The following VWF variants were observed in gnomAD, a reference collection of about 807,000 sequenced individuals.
The protein encoded by VWF is von Willebrand factor, also known as Factor VIII related antigen.
Under a neutral mutation model 308.6 loss-of-function variants are expected in VWF, and 176 were observed. The observed-to-expected ratio is 0.57, with a 90% CI of 0.50 to 0.65. The LOEUF (loss-of-function observed/expected upper bound fraction) is 0.65. Ranked by LOEUF, VWF falls within the 30% of genes least tolerant of loss-of-function variation. The pLI, the probability that VWF is intolerant of heterozygous loss-of-function variation, is 0.00. For synonymous variants in VWF, 1,385 were observed against 1,443.4 expected (o/e 0.96, Z 0.92); for missense variants, 3,146 against 3,648.2 (o/e 0.86, Z 3.55).
chr12:6,019,160 C>T lies in VWF; in HGVS notation c.4258G>A (p.Ala1420Thr), dbSNP rs765274536. 3.7e-6 allele frequency: 6 copies of T among 1,613,838 alleles called. No homozygotes were observed. The East Asian group carries it at 6.7e-5, about 18-fold the overall frequency. The change falls in exon 28 of 52, where the codon GCC (alanine) becomes ACC (threonine). Residue 1420 changes from alanine (A) to threonine (T), a missense_variant. Ala to Thr is a moderately conservative substitution (Grantham distance 58). Transcript: ENST00000261405. This position sits in a 1 kb window ranked among gnomAD's most constrained non-coding sequence, Gnocchi z 5.8. ...ATGAGGCGGATCTGCTTGAGGTTGG[C>T]ATGGGGCCCAATGCCCACCGGGATC... ...IVIPVGIGPHANLKQIRLIEK... is the reference protein window; with the variant it reads ...IVIPVGIGPHTNLKQIRLIEK...
intron 39 of VWF, 97 bp from the exon 40 acceptor site, chr12:5,985,216 G>A (rs938930203): frequency 8.0e-7 from 1 of 1,249,772 alleles, no homozygotes; most frequent in Admixed American, 1.8e-5. Flanking sequence ...ACTAGTAGGA[G>A]TTCTGTACGG....
intron 35 of VWF, 21 bp from the exon 36 acceptor site, chr12:5,994,628 T>A (rs1943788446): frequency 6.2e-7 from 1 of 1,611,984 alleles, no homozygotes; most frequent in Non-Finnish European, 8.5e-7. Flanking sequence ...AAGAAAGAGC[T>A]CATCCGTAGT....
chr12:5,991,705 G>GTC (rs1373333668), intron 38 of VWF, 114 bp downstream of exon 38: 1 of 1,149,682 alleles, frequency 8.7e-7, no homozygotes, highest in Non-Finnish European at 1.3e-6. Flanking sequence ...AATGATCCCC[G>GTC]TAAGAGTCAA....
intron 21 of VWF, among the ~76,000 whole-genome samples, chr12:6,029,804 T>C (rs760249452): frequency 1.2e-4 from 19 of 152,334 alleles, no homozygotes; most frequent in Non-Finnish European, 2.2e-4. Context: ...AATTAGTCAT[T>C]AAATATAGTG....
At chr12:6,089,429 G>C (rs559908532) in intron 6 of VWF, among the ~76,000 whole-genome samples, 13 of 152,160 alleles carry the variant, frequency 8.5e-5, no homozygotes, top group Non-Finnish European at 1.2e-4. Context: ...TTTTTCAGCT[G>C]TTCCCAGGAC....
chr12:6,100,589 G>T (rs1274824548), intron 5 of VWF, among the ~76,000 whole-genome samples: 4 of 152,034 alleles, frequency 2.6e-5, no homozygotes, highest in Non-Finnish European at 4.4e-5. Context: ...CATGTCCTTT[G>T]TAGGGACATG....
In VWF at chr12:6,057,984, C is replaced by T. The variant is rs200291678; in HGVS notation, c.1594G>A (p.Gly532Ser). The change falls in exon 14 of 52, where the codon GGC (glycine) becomes AGC (serine). Residue 532 changes from glycine (G) to serine (S), a missense_variant. Gly to Ser is a moderately conservative substitution (Grantham distance 56). This residue lies in a region of VWF where 1,304 missense variants were observed against 1,353.0 expected (regional missense o/e 0.96). Transcript: ENST00000261405. ...GLCGNYNGNQ[G>S]DDFLTPSGLA... ...CCAGAGGGGGTAAGGAAGTCGTCGC[C>T]CTGGTTGCCATTGTAATTCCCACAC... The T allele has an allele frequency of 1.5e-5, 24 of 1,613,532 alleles. No homozygotes were observed. Among genetic ancestry groups the T allele is most frequent in the Non-Finnish European group, 2.0e-5 (24 of 1,180,046 alleles).
intron 47 of VWF, among the ~76,000 whole-genome samples, chr12:5,964,254 A>ACATACATACATACATACATACATACATG (rs1943366643): frequency 7.7e-6 from 1 of 129,916 alleles, no homozygotes; most frequent in African/African-American, 3.1e-5. Context: ...ATACATGCAT[A>ACATACATACATACATACATACATACATG]CATACATACA....
intron 11 of VWF, among the ~76,000 whole-genome samples, chr12:6,064,892 G>A (rs1000502383): frequency 6.6e-6 from 1 of 152,224 alleles, no homozygotes; most frequent in Non-Finnish European, 1.5e-5. Context: ...CGTCCACTGG[G>A]TGGGGAGCTG....
intron 39 of VWF, 111 bp from the exon 40 acceptor site, chr12:5,985,230 T>A: frequency 8.7e-7 from 1 of 1,145,652 alleles, no homozygotes; most frequent in Non-Finnish European, 1.3e-6. Context: ...TGTACGGTCA[T>A]CCCACAAGGA....
chr12:6,017,190 A>G (rs1427798594), intron 28 of VWF, among the ~76,000 whole-genome samples: 4 of 152,236 alleles, frequency 2.6e-5, no homozygotes, highest in African/African-American at 9.6e-5. Context: ...CCATTCTTCT[A>G]GAAATGAGTA....
At chr12:6,100,741 G>A (rs1945153676) in intron 5 of VWF, among the ~76,000 whole-genome samples, 1 of 152,184 alleles carries the variant, frequency 6.6e-6, no homozygotes, top group African/African-American at 2.4e-5. Context: ...GGGGACTGTT[G>A]TGGGGTTGGG....
At chr12:6,102,582 A>G (rs1057502187) in intron 5 of VWF, among the ~76,000 whole-genome samples, 1 of 151,516 alleles carries the variant, frequency 6.6e-6, no homozygotes, top group African/African-American at 2.4e-5. Context: ...TAAAAATACA[A>G]AAATTAGCCA....
chr12:5,984,936 T>A (rs1427152392), intron 40 of VWF, 109 bp downstream of exon 40: 11 of 1,245,302 alleles, frequency 8.8e-6, no homozygotes, highest in Non-Finnish European at 1.3e-5. Context: ...ACCCACCTCC[T>A]TTCACACACC....
intron 43 of VWF, 110 bp from the exon 44 acceptor site, chr12:5,971,819 G>GCACAT: frequency 1.1e-6 from 1 of 933,126 alleles, no homozygotes; most frequent in South Asian, 1.3e-5. Flanking sequence ...GTGATCACTG[G>GCACAT]TCTGGGCATT....
At chr12:5,979,695 A>T (rs1943572892) in intron 42 of VWF, among the ~76,000 whole-genome samples, 1 of 151,532 alleles carries the variant, frequency 6.6e-6, no homozygotes, top group African/African-American at 2.4e-5. Context: ...GGCTACAATC[A>T]GCCAAGATCG....
chr12:6,072,514 C>T, intron 8 of VWF, 72 bp from the exon 9 acceptor site: 1 of 1,273,912 alleles, frequency 7.8e-7, no homozygotes, highest in Non-Finnish European at 1.1e-6. Context: ...CTATAGAATC[C>T]CCAGGGACAA....
intron 16 of VWF, among the ~76,000 whole-genome samples, chr12:6,049,674 A>G (rs1370373613): frequency 1.3e-5 from 2 of 152,222 alleles, no homozygotes; most frequent in East Asian, 3.8e-4. Flanking sequence ...ATTCTTTACT[A>G]AAAAAGCAAG....
chr12:6,105,146 A>G (rs1345967837), intron 5 of VWF, among the ~76,000 whole-genome samples: 1 of 152,224 alleles, frequency 6.6e-6, no homozygotes, highest in Non-Finnish European at 1.5e-5. Flanking sequence ...TAATGGGTAC[A>G]AAGTATATTG....
Sources: gnomAD v4.1 joint callset for allele counts (sites outside exome capture counted in the v4.1 genomes callset) on GRCh38, gnomAD v4.1.1 for gene constraint, gnomAD v4.1.1 regional missense constraint, Gnocchi (gnomAD v3.1) non-coding constraint, MANE v1.5 for transcripts, NCBI Gene and HGNC (gene_info 2026-07-23, HGNC 2026-07-21) for gene names.